Variants in NUS1 observed in about 807,000 individuals in gnomAD.
The protein encoded by NUS1 is NUS1 dehydrodolichyl diphosphate synthase subunit, also known as dehydrodolichyl diphosphate synthase complex subunit NUS1.
For synonymous variants in NUS1, 135 were observed against 155.2 expected (o/e 0.87, Z 0.97); for missense variants, 292 against 382.9 (o/e 0.76, Z 1.98).
At chr6:117,685,346 T>A (rs969718859) in intron 1 of NUS1, among the ~76,000 whole-genome samples, 3 of 152,174 alleles carry the variant, frequency 2.0e-5, no homozygotes, top group African/African-American at 7.2e-5. Flanking sequence ...CGTGTGTGTT[T>A]TGTCATAATG....
intron 4 of NUS1, among the ~76,000 whole-genome samples, chr6:117,704,354 A>C (rs1045544646): frequency 6.6e-6 from 1 of 152,144 alleles, no homozygotes; most frequent in African/African-American, 2.4e-5. Flanking sequence ...AAGAGAATGA[A>C]ATTGCTTATT....
intron 1 of NUS1, among the ~76,000 whole-genome samples, chr6:117,685,367 A>G (rs1773121822): frequency 6.6e-6 from 1 of 151,448 alleles, no homozygotes; most frequent in Non-Finnish European, 1.5e-5. Flanking sequence ...GCTATTTGAT[A>G]TATCTTTTCT....
intron 3 of NUS1, among the ~76,000 whole-genome samples, chr6:117,699,880 CA>C (rs1347519872): frequency 2.0e-5 from 3 of 151,998 alleles, no homozygotes; most frequent in Non-Finnish European, 4.4e-5. Context: ...CATTTTTTGA[CA>C]AAGGTGCCCA....
rs1773514989 is a variant in NUS1 at position 117,707,289 on chromosome 6, G to C, written c.*274G>C. On this transcript the variant is annotated 3_prime_UTR_variant, in exon 5 of 5. Coordinates refer to ENST00000368494, the MANE Select transcript of NUS1 (RefSeq NM_138459.5). ...ATAGACCTACAACTTTGAGCAAATA[G>C]CAGTGATGTTTTAGGAACTGAAATG... 1.8e-5 allele frequency: 6 copies of C among 335,732 alleles called. No individual in the cohort carries two copies. Among genetic ancestry groups the C allele is most frequent in the Admixed American group, 7.8e-5 (2 of 25,538 alleles). The allele number at this position is 335,732 out of a possible 1,614,324, so 20.8% of individuals were successfully genotyped here. A position where few individuals can be genotyped will look rare whatever the true frequency, so the allele number is the denominator to read the frequency against.
chr6:117,703,666 A>G lies in NUS1; in HGVS notation c.753A>G (p.Leu251=). 1.2e-6 allele frequency: 2 copies of G among 1,613,792 alleles called. No individual in the cohort carries two copies. Among genetic ancestry groups the G allele is most frequent in the East Asian group, 4.5e-5 (2 of 44,874 alleles). Residue 251 remains leucine (L), a synonymous_variant, in exon 4 of 5, where the codon TTA becomes TTG. Transcript: ENST00000368494. Reference sequence around the variant, plus strand: ...AGTTCGGTCCTGTGGACAGCACATTAGGCTTTCTTCCCTGGCACATCAGAT... The same window carrying G: ...AGTTCGGTCCTGTGGACAGCACATTGGGCTTTCTTCCCTGGCACATCAGAT... ...VLKFGPVDST[L]GFLPWHIRLT... is the part of the protein sequence containing the mutation.
chr6:117,690,880 C>T (rs1171597675), intron 1 of NUS1, among the ~76,000 whole-genome samples: 1 of 147,154 alleles, frequency 6.8e-6, no homozygotes, highest in Non-Finnish European at 1.5e-5. Context: ...GTAGTCCCAG[C>T]TACTCAGGAG....
At chr6:117,703,458 G>A (rs1168311181) in intron 3 of NUS1, 147 bp from the exon 4 acceptor site, 5 of 645,650 alleles carry the variant, frequency 7.7e-6, no homozygotes, top group Non-Finnish European at 1.4e-5. Flanking sequence ...GGGGCATGGA[G>A]ACATACAGAT....
intron 4 of NUS1, 91 bp downstream of exon 4, chr6:117,703,795 G>A (rs1172051103): frequency 1.1e-6 from 1 of 873,724 alleles, no homozygotes; most frequent in South Asian, 1.4e-5. Flanking sequence ...GATTTCCAAA[G>A]AATTATAATA....
chr6:117,701,431 A>G (rs1773409033), intron 3 of NUS1, among the ~76,000 whole-genome samples: 1 of 151,852 alleles, frequency 6.6e-6, no homozygotes, highest in African/African-American at 2.4e-5. Context: ...TTTTTAGTAG[A>G]GATGAGGTTT....
chr6:117,709,011 A>G lies in NUS1; in HGVS notation c.*1996A>G, dbSNP rs535977967. On this transcript the variant is annotated 3_prime_UTR_variant, in exon 5 of 5. Transcript: ENST00000368494. ...CATTCATAAGTATATACTTGAAAGTACATCTGTAGCCTATGATTTGAGTCT... is the reference window on the plus strand; with the variant it reads ...CATTCATAAGTATATACTTGAAAGTGCATCTGTAGCCTATGATTTGAGTCT... 1.1e-4 allele frequency: 17 copies of G among 152,274 alleles called. No homozygotes were observed. Among genetic ancestry groups the G allele is most frequent in the South Asian group, 6.2e-4 (3 of 4,822 alleles). The allele number at this position is 152,274 out of a possible 1,614,324, so 9.4% of individuals were successfully genotyped here.
intron 1 of NUS1, among the ~76,000 whole-genome samples, chr6:117,688,973 A>G (rs1773178732): frequency 6.6e-6 from 1 of 152,166 alleles, no homozygotes; most frequent in South Asian, 2.1e-4. Context: ...GAATCAGAAA[A>G]GAAGGACCAC....
chr6:117,700,768 C>T (rs549545538), intron 3 of NUS1, among the ~76,000 whole-genome samples: 7 of 152,234 alleles, frequency 4.6e-5, no homozygotes, highest in Non-Finnish European at 8.8e-5. Flanking sequence ...GAGTAGTATT[C>T]AGCCATAAAA....
chr6:117,706,686 C>T lies in NUS1; in HGVS notation c.792-239C>T, dbSNP rs566912273. 5.3e-5 allele frequency among the ~76,000 whole-genome samples: 8 copies of T among 152,194 alleles called. No homozygotes were observed. In the East Asian group the frequency reaches 1.2e-3, roughly 22 times the overall value. ...AACACTCGTCAATAAACAGTGAGTG[C>T]CACTACCCCTCGGTGCCTCAGAGGC... On this transcript the variant is annotated intron_variant, in intron 4 of 4. Coordinates refer to ENST00000368494, the MANE Select transcript of NUS1 (RefSeq NM_138459.5).
At chr6:117,687,820 GATAC>G (rs1395808186) in intron 1 of NUS1, among the ~76,000 whole-genome samples, 2 of 152,180 alleles carry the variant, frequency 1.3e-5, no homozygotes, top group Non-Finnish European at 2.9e-5. Context: ...AAACATTTAA[GATAC>G]TGAAGTTGGA....
At chr6:117,686,153 CGA>C (rs1773136688) in intron 1 of NUS1, among the ~76,000 whole-genome samples, 1 of 144,712 alleles carries the variant, frequency 6.9e-6, no homozygotes, top group South Asian at 2.2e-4. Flanking sequence ...CCCAGCTACT[CGA>C]GAGGCTGAGG....
intron 1 of NUS1, among the ~76,000 whole-genome samples, chr6:117,677,079 T>G (rs1772995227): frequency 1.3e-5 from 2 of 152,322 alleles, no homozygotes; most frequent in South Asian, 4.1e-4. Flanking sequence ...ATTGAGGGAA[T>G]GAATTTCACC....
At chr6:117,691,129 C>G (rs1344547795) in intron 1 of NUS1, among the ~76,000 whole-genome samples, 1 of 152,026 alleles carries the variant, frequency 6.6e-6, no homozygotes, top group Non-Finnish European at 1.5e-5. Context: ...ATCGCCTCGA[C>G]AAATTATGTA....
intron 1 of NUS1, among the ~76,000 whole-genome samples, chr6:117,678,188 G>C (rs936957999): frequency 2.6e-5 from 4 of 152,166 alleles, no homozygotes; most frequent in Non-Finnish European, 5.9e-5. Context: ...GGCACCTTAA[G>C]GAGCATTTTC....
At chr6:117,698,397 T>G (rs113920801) in intron 3 of NUS1, among the ~76,000 whole-genome samples, 102 of 152,160 alleles carry the variant, frequency 6.7e-4, no homozygotes, top group Non-Finnish European at 9.6e-4. Context: ...AGTAACTATA[T>G]GCCAATAAAT....
Sources: allele counts gnomAD v4.1 joint callset (sites outside exome capture counted in the v4.1 genomes callset), GRCh38; gene constraint gnomAD v4.1.1; transcripts MANE v1.5; gene names NCBI Gene and HGNC (gene_info 2026-07-23, HGNC 2026-07-21).